GLIS3: variants seen among roughly 807,000 people sequenced by gnomAD.
The protein encoded by GLIS3 is zinc finger protein GLIS3.
A neutral mutation model predicts 78.6 loss-of-function variants in GLIS3; 53 were observed. That is an observed-to-expected ratio of 0.67 (90% CI 0.54 to 0.85). The LOEUF (loss-of-function observed/expected upper bound fraction) is 0.85. GLIS3 is among the 40% of genes least tolerant of loss of function. The pLI, the probability that GLIS3 is intolerant of heterozygous loss-of-function variation, is 0.00. For missense variants in GLIS3, 1,703 were observed against 1,231.1 expected (o/e 1.38, Z -5.74); for synonymous variants, 684 against 509.9 (o/e 1.34, Z -4.60).
At chr9:4,485,812 C>T in the GLIS3 span, among the ~76,000 whole-genome samples, 17,182 of 151,790 alleles carry the variant, frequency 0.11, 1,304 homozygotes, top group Non-Finnish European at 0.16. Context: ...CCTCCGCCTC[C>T]CCAGATTCAA....
At chr9:3,980,787 G>C (rs4741872) in intron 4 of GLIS3, among the ~76,000 whole-genome samples, 11,735 of 152,232 alleles carry the variant, frequency 0.077, 1,012 homozygotes, top group East Asian at 0.48. Flanking sequence ...TCACTGTCCA[G>C]TTCTGCCTTC....
Position 4,153,776 on chromosome 9 carries a change from A to G in GLIS3, c.389-27835T>C, listed in dbSNP as rs1170341269. On this transcript the variant is annotated intron_variant, in intron 2 of 10. Coordinates refer to ENST00000381971, the MANE Select transcript of GLIS3 (RefSeq NM_001042413.2). ...AAATCAAAGTTAAATGCTTATTCACATGACTTGTATACATGTTCTGATTAT... is the reference window on the plus strand; with the variant it reads ...AAATCAAAGTTAAATGCTTATTCACGTGACTTGTATACATGTTCTGATTAT... 2.6e-5 allele frequency among the ~76,000 whole-genome samples: 4 copies of G among 152,368 alleles called. No homozygotes were observed. The East Asian group carries it at 7.7e-4, about 29-fold the overall frequency.
chr9:4,214,391 G>A (rs1182313703), intron 2 of GLIS3, among the ~76,000 whole-genome samples: 2 of 152,176 alleles, frequency 1.3e-5, no homozygotes, highest in Non-Finnish European at 2.9e-5. Context: ...CACAACATGT[G>A]TCGGAATCAG....
intron 4 of GLIS3, among the ~76,000 whole-genome samples, chr9:3,953,787 C>CTATA (rs1416684149): frequency 1.0e-3 from 46 of 44,340 alleles, no homozygotes; most frequent in Non-Finnish European, 2.0e-3. Context: ...CTCTCTCTCT[C>CTATA]TCTCTCTCTA....
At chr9:4,414,860 C>T in the GLIS3 span, among the ~76,000 whole-genome samples, 1 of 152,078 alleles carries the variant, frequency 6.6e-6, no homozygotes, top group Non-Finnish European at 1.5e-5. Context: ...ACCGAGAATC[C>T]TGTTAGGTCA....
chr9:4,070,960 C>T (rs2027391), intron 4 of GLIS3: 79,779 of 151,984 alleles, frequency 0.52, 22,813 homozygotes, highest in African/African-American at 0.75. Context: ...TGTACCCTCA[C>T]AGGAAACAGC....
intron 2 of GLIS3, among the ~76,000 whole-genome samples, chr9:4,190,700 C>T (rs1022568503): frequency 1.1e-4 from 16 of 151,788 alleles, no homozygotes; most frequent in Non-Finnish European, 2.1e-4. Context: ...AGATACTCCT[C>T]GAGAAGAGCA....
the GLIS3 span, among the ~76,000 whole-genome samples, chr9:4,453,597 C>G: frequency 5.3e-5 from 8 of 152,166 alleles, no homozygotes; most frequent in Middle Eastern, 6.8e-3. Flanking sequence ...TGGAACCAAC[C>G]CAAATATCCA....
At chr9:4,232,693 T>C (rs989903246) in intron 2 of GLIS3, among the ~76,000 whole-genome samples, 1 of 152,230 alleles carries the variant, frequency 6.6e-6, no homozygotes, top group African/African-American at 2.4e-5. Flanking sequence ...TAAAGGCTTC[T>C]GGAAGTACCC....
intron 4 of GLIS3, among the ~76,000 whole-genome samples, chr9:4,101,690 T>C (rs972960168): frequency 2.6e-5 from 4 of 152,212 alleles, no homozygotes; most frequent in African/African-American, 9.6e-5. Flanking sequence ...AATTAGCTGG[T>C]TTCAAAAAAA....
At chr9:4,399,995 G>A in the GLIS3 span, among the ~76,000 whole-genome samples, 226 of 152,328 alleles carry the variant, frequency 1.5e-3, no homozygotes, top group African/African-American at 4.9e-3. Flanking sequence ...GATGGCGAGT[G>A]AGGAGATTGG....
rs181916079 is a variant in GLIS3, at chr9:3,884,758, C to T, written c.2129-5163G>A. ...TGGTTAAGTTACCTGGCTTAGGTCA[C>T]GTGGCAGGCAAATAGCGGGGCTGGA... On this transcript the variant is annotated intron_variant, in intron 7 of 10. Transcript: ENST00000381971. Among the ~76,000 whole-genome samples the T allele has an allele frequency of 3.9e-5, 6 of 152,256 alleles. No homozygotes were observed. In the East Asian group the frequency reaches 9.6e-4, roughly 24 times the overall value.
At chr9:4,157,866 G>A (rs539944569) in intron 2 of GLIS3, among the ~76,000 whole-genome samples, 1 of 152,164 alleles carries the variant, frequency 6.6e-6, no homozygotes, top group South Asian at 2.1e-4. Flanking sequence ...TTGCTTTCAT[G>A]GTTCATTTAG....
intron 2 of GLIS3, among the ~76,000 whole-genome samples, chr9:4,257,938 A>G (rs1487308569): frequency 1.3e-5 from 2 of 152,192 alleles, no homozygotes; most frequent in Non-Finnish European, 2.9e-5. Flanking sequence ...ATACAACAAA[A>G]AATACACATT....
chr9:4,335,810 C>T (rs568219838), intron 2 of GLIS3, among the ~76,000 whole-genome samples: 13 of 152,310 alleles, frequency 8.5e-5, no homozygotes, highest in African/African-American at 2.4e-4. Flanking sequence ...CAGGGTCCTT[C>T]CCCCATTGAA....
intron 2 of GLIS3, among the ~76,000 whole-genome samples, chr9:4,170,140 T>C (rs1410244706): frequency 6.6e-6 from 1 of 152,102 alleles, no homozygotes; most frequent in East Asian, 1.9e-4. Flanking sequence ...GCTGAAGTGA[T>C]AAAAAAGAAA....
intron 4 of GLIS3, among the ~76,000 whole-genome samples, chr9:3,987,766 A>AC (rs1221126297): frequency 2.3e-5 from 3 of 132,686 alleles, no homozygotes; most frequent in African/African-American, 8.5e-5. Context: ...TTTGGCAAAA[A>AC]AAAAAAAAAA....
chr9:4,099,024 C>T lies in GLIS3; in HGVS notation c.1710+18744G>A, dbSNP rs935956086. ...GTCCCGAAGACACATCTGGTTGACC[C>T]TTCCCACTGCCCTCAAGACAAAGTG... is the stretch of plus-strand genomic sequence containing the variant. On this transcript the variant is annotated intron_variant, in intron 4 of 10. Transcript: ENST00000381971. 6.6e-5 allele frequency among the ~76,000 whole-genome samples: 10 copies of T among 152,278 alleles called. No homozygotes were observed. In the South Asian group the frequency reaches 2.1e-3, roughly 32 times the overall value.
At chr9:4,341,277 C>T (rs1208197702) in intron 2 of GLIS3, among the ~76,000 whole-genome samples, 1 of 152,212 alleles carries the variant, frequency 6.6e-6, no homozygotes, top group African/African-American at 2.4e-5. Context: ...GCTTAAAGCT[C>T]TCCTGGCTTG....
Sources: gnomAD v4.1 joint callset for allele counts (sites outside exome capture counted in the v4.1 genomes callset) on GRCh38, gnomAD v4.1.1 for gene constraint, MANE v1.5 for transcripts, NCBI Gene and HGNC (gene_info 2026-07-23, HGNC 2026-07-21) for gene names.